The following SPARCL1 variants were observed in gnomAD, a reference collection of about 807,000 sequenced individuals.
The protein encoded by SPARCL1 is SPARC like 1, also known as SPARC-like protein 1.
A neutral mutation model predicts 67.1 loss-of-function variants in SPARCL1; 52 were observed. The ratio of observed to expected loss-of-function variants is 0.78; its 90% CI spans 0.62 to 0.98. SPARCL1 has a LOEUF of 0.98. SPARCL1 is among the 50% of genes least tolerant of loss of function. SPARCL1 has a pLI of 0.00. For synonymous variants in SPARCL1, 226 were observed against 267.8 expected (o/e 0.84, Z 1.52); for missense variants, 717 against 782.4 (o/e 0.92, Z 1.00).
intron 7 of SPARCL1, among the ~76,000 whole-genome samples, chr4:87,482,959 A>C (rs191548707): frequency 6.6e-5 from 10 of 152,284 alleles, no homozygotes; most frequent in Admixed American, 2.0e-4. Flanking sequence ...ACAGTAAGAA[A>C]TAATGCTAAA....
At chr4:87,510,528 G>T (rs189137725) in intron 1 of SPARCL1, among the ~76,000 whole-genome samples, 1 of 152,154 alleles carries the variant, frequency 6.6e-6, no homozygotes, top group Non-Finnish European at 1.5e-5. Flanking sequence ...GCCTGATGTC[G>T]AGAAGAAGCG....
Position 87,480,475 on chromosome 4 carries a change from G to T in SPARCL1, c.1714C>A (p.His572Asn). Residue 572 changes from histidine to asparagine, a missense_variant, in exon 9 of 11, where the codon CAT (histidine) becomes AAT (asparagine). Physicochemically the swap from His to Asn is moderately conservative, Grantham distance 68. Coordinates refer to ENST00000282470, the MANE Select transcript of SPARCL1 (RefSeq NM_004684.6). ...TCCCTTAAGAGAAGATCAATGGGAT[G>T]GTCCCCAGCCAAAAGCCTCTTTTCA... The part of the protein sequence containing the change: ...LDEKRLLAGD[H>N]PIDLLLRDFK... 6.2e-7 allele frequency: 1 copy of T among 1,612,776 alleles called. No homozygotes were observed. The highest frequency in any genetic ancestry group is 1.1e-5 in the South Asian group (1 of 90,750).
At chr4:87,517,633 T>C (rs1056585618) in intron 1 of SPARCL1, among the ~76,000 whole-genome samples, 26 of 152,208 alleles carry the variant, frequency 1.7e-4, no homozygotes, top group African/African-American at 6.0e-4. Flanking sequence ...ACTGCTCTTA[T>C]TTGAATTTCC....
intron 1 of SPARCL1, among the ~76,000 whole-genome samples, chr4:87,499,805 C>T (rs151247642): frequency 1.7e-3 from 256 of 152,194 alleles, no homozygotes; most frequent in African/African-American, 6.1e-3. Flanking sequence ...CGGCCATGTT[C>T]GGCAGAACCT....
At chr4:87,484,199 G>C (rs921031017) in intron 7 of SPARCL1, among the ~76,000 whole-genome samples, 37 of 151,972 alleles carry the variant, frequency 2.4e-4, no homozygotes, top group African/African-American at 9.0e-4. Context: ...TTTCTTCTAG[G>C]GTTTTTATGG....
chr4:87,517,099 C>T (rs7680612), intron 1 of SPARCL1, among the ~76,000 whole-genome samples: 26,966 of 152,024 alleles, frequency 0.18, 2,558 homozygotes, highest in Non-Finnish European at 0.22. Context: ...GGTATCTGTG[C>T]TACTATTTTC....
intron 1 of SPARCL1, among the ~76,000 whole-genome samples, chr4:87,513,583 T>C (rs1578114045): frequency 6.6e-6 from 1 of 152,080 alleles, no homozygotes; most frequent in East Asian, 1.9e-4. Flanking sequence ...CTGAAGTACC[T>C]TACACATGCA....
At chr4:87,519,737 T>C (rs1725728218) in intron 1 of SPARCL1, among the ~76,000 whole-genome samples, 1 of 152,204 alleles carries the variant, frequency 6.6e-6, no homozygotes, top group African/African-American at 2.4e-5. Context: ...AGTAATTTTA[T>C]TTTTAAATAT....
intron 9 of SPARCL1, among the ~76,000 whole-genome samples, chr4:87,479,860 C>T (rs1197623690): frequency 6.6e-6 from 1 of 152,164 alleles, no homozygotes; most frequent in Non-Finnish European, 1.5e-5. Flanking sequence ...TGGTTCTCAT[C>T]TACTGGCCAT....
At chr4:87,475,396 G>A (rs1039060139) in intron 10 of SPARCL1, among the ~76,000 whole-genome samples, 6 of 152,250 alleles carry the variant, frequency 3.9e-5, no homozygotes, top group African/African-American at 1.4e-4. Flanking sequence ...CATTTCAGGA[G>A]AAACTTCATT....
At position 87,529,312 on chromosome 4, in the gene SPARCL1, G is replaced by C. The variant is rs1287100351; in HGVS notation, c.-279C>G. On this transcript the variant is annotated 5_prime_UTR_variant, in exon 1 of 11. Coordinates refer to ENST00000282470, the MANE Select transcript of SPARCL1 (RefSeq NM_004684.6). Reference sequence around the variant, plus strand: ...AGTATTTCAGACTGTCATCGTTTTTGTTGCAGATTCCTGGATTTCCCTAGC... The same window carrying C: ...AGTATTTCAGACTGTCATCGTTTTTCTTGCAGATTCCTGGATTTCCCTAGC... The C allele has an allele frequency of 6.6e-6, 1 of 152,152 alleles. No homozygotes were observed. The highest frequency in any genetic ancestry group is 1.5e-5 in the Non-Finnish European group (1 of 68,036). The allele number at this position is 152,152 out of a possible 1,614,324, so 9.4% of individuals were successfully genotyped here.
At chr4:87,478,293 A>G (rs1723661018) in intron 10 of SPARCL1, among the ~76,000 whole-genome samples, 1 of 152,166 alleles carries the variant, frequency 6.6e-6, no homozygotes, top group African/African-American at 2.4e-5. Context: ...CATGTAAAAC[A>G]TGACCTTTTA....
At chr4:87,483,451 G>A (rs895520357) in intron 7 of SPARCL1, among the ~76,000 whole-genome samples, 6 of 152,206 alleles carry the variant, frequency 3.9e-5, no homozygotes, top group Non-Finnish European at 8.8e-5. Context: ...ATTCCATGGT[G>A]TATATGTGTC....
intron 1 of SPARCL1, among the ~76,000 whole-genome samples, chr4:87,520,585 G>A (rs748703267): frequency 2.6e-5 from 4 of 152,154 alleles, no homozygotes; most frequent in Non-Finnish European, 4.4e-5. Flanking sequence ...AAGTGAGAAG[G>A]CAGAGCACAA....
At chr4:87,475,291 ACTT>A (rs143627173) in intron 10 of SPARCL1, among the ~76,000 whole-genome samples, 2,533 of 151,940 alleles carry the variant, frequency 0.017, 54 homozygotes, top group South Asian at 0.084. Flanking sequence ...ATTTCTTTCA[ACTT>A]CTTTGACATC....
intron 1 of SPARCL1, among the ~76,000 whole-genome samples, chr4:87,504,483 G>T (rs1724993149): frequency 6.6e-6 from 1 of 152,040 alleles, no homozygotes; most frequent in African/African-American, 2.4e-5. Flanking sequence ...TTACAAATGG[G>T]ATATTACCTT....
intron 1 of SPARCL1, among the ~76,000 whole-genome samples, chr4:87,515,918 A>G (rs967392546): frequency 5.9e-5 from 9 of 152,244 alleles, no homozygotes; most frequent in Non-Finnish European, 1.3e-4. Context: ...AGAGATTGCT[A>G]TAAATTCTTT....
rs182967061 is a variant in SPARCL1, at chr4:87,507,042, A to G, written c.-11-7457T>C. 2.1e-4 allele frequency among the ~76,000 whole-genome samples: 32 copies of G among 152,324 alleles called. 1 individual carries two copies. Among genetic ancestry groups the G allele is most frequent in the Admixed American group, 1.8e-3 (27 of 15,296 alleles). On this transcript the variant is annotated intron_variant, in intron 1 of 10. Transcript: ENST00000282470. The stretch of plus-strand genomic sequence containing the variant: ...TTGAATAAACAACTTAGATTCTCAG[A>G]AAATAATGTAATTTAAGTTTTGCTG...
intron 1 of SPARCL1, among the ~76,000 whole-genome samples, chr4:87,525,743 G>A (rs1726012022): frequency 6.6e-6 from 1 of 152,284 alleles, no homozygotes; most frequent in East Asian, 1.9e-4. Context: ...AACAAGCCAG[G>A]ACTGGAGACT....
Sources: allele counts gnomAD v4.1 joint callset (sites outside exome capture counted in the v4.1 genomes callset), GRCh38; gene constraint gnomAD v4.1.1; transcripts MANE v1.5; gene names NCBI Gene and HGNC (gene_info 2026-07-23, HGNC 2026-07-21).